The following TSPAN10 variants were observed in gnomAD, a reference collection of about 807,000 sequenced individuals.
The protein encoded by TSPAN10 is tetraspanin-10.
A neutral mutation model predicts 15.0 loss-of-function variants in TSPAN10; 11 were observed. The observed-to-expected ratio is 0.73, with a 90% CI of 0.46 to 1.21. TSPAN10 has a LOEUF of 1.21. TSPAN10 is among the 50% of genes most tolerant of loss of function. The pLI, the probability that TSPAN10 is intolerant of heterozygous loss-of-function variation, is 0.00. For synonymous variants in TSPAN10, 241 were observed against 226.2 expected (o/e 1.07, Z -0.59); for missense variants, 486 against 470.6 (o/e 1.03, Z -0.30).
At chr17:81,638,878 C>G (rs1480050148), upstream of TSPAN10, 1 of 152,066 alleles carries the variant, frequency 6.6e-6, no homozygotes, top group Non-Finnish European at 1.5e-5. Flanking sequence ...AATCTTGTAG[C>G]CTCCAGCTAC....
intron 2 of TSPAN10, chr17:81,646,298 A>G (rs1255925015): frequency 2.6e-5 from 4 of 153,444 alleles, no homozygotes; most frequent in African/African-American, 9.6e-5. Flanking sequence ...AGGCCGAGGC[A>G]GGAGAATGAC....
exon 2 of TSPAN10, chr17:81,645,195 C>A: frequency 1.3e-6 from 2 of 1,546,438 alleles, no homozygotes; most frequent in South Asian, 1.3e-5. Context: ...AGTATCTGAT[C>A]TTCCTCTCCA....
upstream of TSPAN10, among the ~76,000 whole-genome samples, chr17:81,641,317 G>A (rs757605331): frequency 5.3e-5 from 8 of 152,118 alleles, no homozygotes; most frequent in Non-Finnish European, 1.0e-4. Context: ...GAGCCCAGAA[G>A]CTCAGCCTGC....
chr17:81,648,321 C>A, downstream of TSPAN10: 1 of 1,203,596 alleles, frequency 8.3e-7, no homozygotes, highest in East Asian at 3.4e-5. Context: ...CCGAGACCGC[C>A]ACGCACAGGG....
chr17:81,647,868 C>G (rs747724270), intron 2 of TSPAN10, 33 bp from the exon 4 acceptor site: 21 of 1,581,918 alleles, frequency 1.3e-5, no homozygotes, highest in Non-Finnish European at 1.8e-5. Flanking sequence ...CGGGCCCTCC[C>G]CGCCAGAACT....
exon 2 of TSPAN10, chr17:81,645,607 T>C (rs34379910): frequency 0.046 from 74,224 of 1,612,622 alleles, 2,814 homozygotes; most frequent in East Asian, 0.24. Context: ...AGCTGCCTCC[T>C]ACCAGGACTG....
At chr17:81,647,626 C>A in intron 2 of TSPAN10, 1 of 657,688 alleles carries the variant, frequency 1.5e-6, no homozygotes, top group Non-Finnish European at 2.8e-6. Context: ...CCCCCTTCAA[C>A]CGTCTCACTA....
chr17:81,645,280 G>C, exon 2 of TSPAN10: 1 of 1,533,694 alleles, frequency 6.5e-7, no homozygotes, highest in Non-Finnish European at 8.7e-7. Flanking sequence ...GGGGTCTCTG[G>C]GAAGTGATCT....
intron 2 of TSPAN10, chr17:81,647,634 C>G (rs1270100865): frequency 1.5e-6 from 1 of 657,302 alleles, no homozygotes; most frequent in African/African-American, 1.8e-5. Flanking sequence ...AACCGTCTCA[C>G]TAAATATCCT....
intron 2 of TSPAN10, chr17:81,645,859 GTTC>G: frequency 1.6e-6 from 1 of 632,136 alleles, no homozygotes; most frequent in Non-Finnish European, 2.8e-6. Context: ...ACATGAACAT[GTTC>G]TTGTGCACAC....
intron 2 of TSPAN10, 93 bp from the exon 4 acceptor site, chr17:81,647,808 G>A: frequency 7.2e-7 from 1 of 1,379,936 alleles, no homozygotes; most frequent in Non-Finnish European, 9.9e-7. Flanking sequence ...GGCCATGGAA[G>A]GGTGAAGGTG....
rs761602511 is a variant in TSPAN10 at position 81,643,859 on chromosome 17, C to G, written c.37-1133C>G. 1.1e-3 allele frequency among the ~76,000 whole-genome samples: 166 copies of G among 151,764 alleles called. 1 individual carries two copies. The highest frequency in any genetic ancestry group is 1.9e-3 in the Non-Finnish European group (129 of 67,902). On this transcript the variant is annotated intron_variant, in intron 1 of 2. Transcript: ENST00000611590. ...TTTGAGATGGAGTCTCGCTCTGTCACCCAGGCTGGAGTGCAGTCACGCGAT... is the reference window on the plus strand; with the variant it reads ...TTTGAGATGGAGTCTCGCTCTGTCAGCCAGGCTGGAGTGCAGTCACGCGAT...
chr17:81,641,474 C>T (rs1254321923), upstream of TSPAN10, among the ~76,000 whole-genome samples: 1 of 152,048 alleles, frequency 6.6e-6, no homozygotes, highest in Non-Finnish European at 1.5e-5. Flanking sequence ...TCCGCTTGCC[C>T]CACACAGCCA....
chr17:81,641,466 C>T (rs914238311), upstream of TSPAN10, among the ~76,000 whole-genome samples: 2 of 152,098 alleles, frequency 1.3e-5, no homozygotes, highest in Non-Finnish European at 2.9e-5. Context: ...CCCCCATCTC[C>T]GCTTGCCCCA....
chr17:81,648,006 C>T (rs2036280348), exon 3 of TSPAN10: 1 of 1,609,664 alleles, frequency 6.2e-7, no homozygotes. Flanking sequence ...AGTGCGGCTT[C>T]GGGGTCCTGC....
chr17:81,647,780 G>A, intron 2 of TSPAN10, 121 bp from the exon 4 acceptor site: 1 of 1,018,952 alleles, frequency 9.8e-7, no homozygotes, highest in Non-Finnish European at 1.5e-6. Flanking sequence ...GTATGCACGT[G>A]TGTGCATGTG....
rs757861466 is a variant in TSPAN10 at position 81,648,065 on chromosome 17, G to A, written c.839G>A (p.Gly280Asp). 110 of 1,565,066 alleles carry A rather than the reference G, an allele frequency of 7.0e-5. No homozygotes were observed. In the Middle Eastern group the frequency reaches 1.4e-3, roughly 20 times the overall value. The change falls in exon 3 of 3, where the codon GGC (glycine) becomes GAC (aspartate). Residue 280 changes from glycine (G) to aspartate (D), a missense_variant. Gly to Asp is a moderately conservative substitution (Grantham distance 94). Transcript: ENST00000611590. ...AGAGTGGTGTACCTGGAGGGCTGCG[G>A]CCCGCCGCTCCGGCGGTGGCTGCGC...
intron 2 of TSPAN10, chr17:81,645,949 T>C: frequency 2.1e-6 from 1 of 474,796 alleles, no homozygotes; most frequent in Non-Finnish European, 3.8e-6. Context: ...ACACAAGGTA[T>C]AGGGGTGCTT....
At chr17:81,638,573 A>G (rs1281744363), upstream of TSPAN10, 1 of 152,348 alleles carries the variant, frequency 6.6e-6, no homozygotes, top group Non-Finnish European at 1.5e-5. Flanking sequence ...TGCTGGGACT[A>G]TAGACGTGAG....
Sources: gnomAD v4.1 joint callset for allele counts (sites outside exome capture counted in the v4.1 genomes callset) on GRCh38, gnomAD v4.1.1 for gene constraint, MANE v1.5 for transcripts, NCBI Gene and HGNC (gene_info 2026-07-23, HGNC 2026-07-21) for gene names.